The following SH3PXD2A variants were observed in gnomAD, a reference collection of about 807,000 sequenced individuals.
The protein encoded by SH3PXD2A is SH3 and PX domains 2A.
Under a neutral mutation model 115.2 loss-of-function variants are expected in SH3PXD2A, and 32 were observed. The observed-to-expected ratio is 0.28, with a 90% CI of 0.21 to 0.37. The LOEUF (loss-of-function observed/expected upper bound fraction) is 0.37. SH3PXD2A is among the 10% of genes least tolerant of loss of function. The pLI is 1.00. For synonymous variants in SH3PXD2A, 610 were observed against 629.1 expected, an observed-to-expected ratio of 0.97 and a Z score of 0.45; for missense variants, 1,328 against 1,498.7, an observed-to-expected ratio of 0.89 and a Z score of 1.88.
At chr10:103,745,631 C>T (rs1487558032) in intron 3 of SH3PXD2A, among the ~76,000 whole-genome samples, 1 of 152,160 alleles carries the variant, frequency 6.6e-6, no homozygotes. Flanking sequence ...GTGGGGTGGG[C>T]CCTGCCTGTC....
intron 1 of SH3PXD2A, among the ~76,000 whole-genome samples, chr10:103,809,985 G>A (rs1322614892): frequency 1.3e-5 from 2 of 152,054 alleles, no homozygotes; most frequent in African/African-American, 2.4e-5. Flanking sequence ...CACCTCATCC[G>A]GCCCCACTAT....
At chr10:103,642,165 A>C (rs1459449536) in intron 8 of SH3PXD2A, among the ~76,000 whole-genome samples, 1 of 148,642 alleles carries the variant, frequency 6.7e-6, no homozygotes, top group Non-Finnish European at 1.5e-5. Context: ...TTTTTTTTTA[A>C]CTTCAAGAAA....
chr10:103,659,281 C>T (rs2037257057), intron 8 of SH3PXD2A, among the ~76,000 whole-genome samples: 1 of 152,220 alleles, frequency 6.6e-6, no homozygotes, highest in African/African-American at 2.4e-5. Context: ...TGGGGGCTCA[C>T]TACCTCCTGC....
intron 8 of SH3PXD2A, among the ~76,000 whole-genome samples, chr10:103,647,979 T>C (rs2037060430): frequency 6.6e-6 from 1 of 152,086 alleles, no homozygotes; most frequent in Non-Finnish European, 1.5e-5. Flanking sequence ...TATTCTGTTA[T>C]CTTCAGGAGC....
At chr10:103,656,865 G>C (rs557438459) in intron 8 of SH3PXD2A, among the ~76,000 whole-genome samples, 2 of 151,000 alleles carry the variant, frequency 1.3e-5, no homozygotes, top group Non-Finnish European at 2.9e-5. Context: ...GTAAGTAAGA[G>C]AGACAGAGAA....
At chr10:103,764,452 G>A (rs2038733155) in intron 3 of SH3PXD2A, among the ~76,000 whole-genome samples, 1 of 151,214 alleles carries the variant, frequency 6.6e-6, no homozygotes, top group Non-Finnish European at 1.5e-5. Context: ...GAAAAAGAAG[G>A]GCACAGGGTG....
intron 1 of SH3PXD2A, among the ~76,000 whole-genome samples, chr10:103,813,832 A>C (rs947142293): frequency 1.4e-4 from 21 of 152,180 alleles, no homozygotes; most frequent in East Asian, 5.8e-4. Context: ...CTGGCTGTAC[A>C]TTACAATCAC....
At chr10:103,725,463 C>CA (rs1257608628) in intron 4 of SH3PXD2A, among the ~76,000 whole-genome samples, 2 of 152,090 alleles carry the variant, frequency 1.3e-5, no homozygotes, top group African/African-American at 2.4e-5. Flanking sequence ...AGTGCGTGGG[C>CA]CAGCTGTGAG....
chr10:103,832,370 GA>G lies in SH3PXD2A; in HGVS notation c.72+22824del, dbSNP rs58886791. On this transcript the variant is annotated intron_variant, in intron 1 of 14. Coordinates refer to ENST00000369774, the MANE Select transcript of SH3PXD2A (RefSeq NM_001394015.1). Reference sequence around the variant, plus strand: ...TACACTTAGAAGTAGAACCTAAAAAGAAAAAAAAAAAAAAGAAAAGAAAACA... The same window carrying G: ...TACACTTAGAAGTAGAACCTAAAAAGAAAAAAAAAAAAAGAAAAGAAAACA... Among the ~76,000 whole-genome samples the G allele has an allele frequency of 1.2e-3, 157 of 128,012 alleles. 1 individual carries two copies. The highest frequency in any genetic ancestry group is 8.3e-3 in the Middle Eastern group (2 of 240). 84.0% of individuals were successfully genotyped at this position (128,012 alleles called of 152,430 possible). A position where few individuals can be genotyped will look rare whatever the true frequency, so the allele number is the denominator to read the frequency against.
At chr10:103,791,092 G>A (rs1290603101) in intron 2 of SH3PXD2A, among the ~76,000 whole-genome samples, 1 of 152,212 alleles carries the variant, frequency 6.6e-6, no homozygotes, top group African/African-American at 2.4e-5. Context: ...CAGAAATTTA[G>A]AGCCAATGAA....
intron 1 of SH3PXD2A, among the ~76,000 whole-genome samples, chr10:103,832,176 A>G (rs962170573): frequency 8.5e-5 from 13 of 152,328 alleles, no homozygotes; most frequent in South Asian, 4.1e-4. Flanking sequence ...GACAGGCAGT[A>G]TGAGCAAGAA....
At chr10:103,841,035 T>C (rs1407023054) in intron 1 of SH3PXD2A, among the ~76,000 whole-genome samples, 1 of 152,156 alleles carries the variant, frequency 6.6e-6, no homozygotes, top group Non-Finnish European at 1.5e-5. Flanking sequence ...CTTAACACCA[T>C]TTACGATACA....
intron 8 of SH3PXD2A, among the ~76,000 whole-genome samples, chr10:103,644,547 C>T (rs1348786262): frequency 1.4e-5 from 2 of 143,206 alleles, no homozygotes; most frequent in Admixed American, 7.3e-5. Context: ...GATCATGCCA[C>T]TGTACTCTAG....
At chr10:103,760,188 T>A (rs574581139) in intron 3 of SH3PXD2A, among the ~76,000 whole-genome samples, 1 of 152,226 alleles carries the variant, frequency 6.6e-6, no homozygotes, top group East Asian at 1.9e-4. Flanking sequence ...ATAAAGTAAC[T>A]CACTGCATAT....
chr10:103,752,033 A>C (rs1197559145), intron 3 of SH3PXD2A, among the ~76,000 whole-genome samples: 1 of 152,170 alleles, frequency 6.6e-6, no homozygotes, highest in African/African-American at 2.4e-5. Context: ...AAACCTAGAG[A>C]GGGGAGGATA....
chr10:103,751,088 G>A (rs1032748576), intron 3 of SH3PXD2A, among the ~76,000 whole-genome samples: 8 of 152,222 alleles, frequency 5.3e-5, no homozygotes, highest in African/African-American at 9.6e-5. Flanking sequence ...AGATGAATGA[G>A]GATAATAAGG....
intron 6 of SH3PXD2A, among the ~76,000 whole-genome samples, chr10:103,680,073 C>T (rs1003459236): frequency 8.6e-5 from 13 of 151,664 alleles, no homozygotes; most frequent in Non-Finnish European, 1.6e-4. Flanking sequence ...TCTGCCTCCC[C>T]GGTTCAAGTG....
At chr10:103,789,049 G>A (rs751658127) in intron 2 of SH3PXD2A, among the ~76,000 whole-genome samples, 2 of 152,046 alleles carry the variant, frequency 1.3e-5, no homozygotes, top group Admixed American at 6.5e-5. Context: ...CCAGAGGGAC[G>A]AATAACTCTA....
chr10:103,657,199 G>A (rs2037224968), intron 8 of SH3PXD2A, among the ~76,000 whole-genome samples: 1 of 152,078 alleles, frequency 6.6e-6, no homozygotes, highest in African/African-American at 2.4e-5. Context: ...AGTAAGCAAA[G>A]ACTCAGAGAA....
Sources: gnomAD v4.1 joint callset for allele counts (sites outside exome capture counted in the v4.1 genomes callset) on GRCh38, gnomAD v4.1.1 for gene constraint, MANE v1.5 for transcripts, NCBI Gene and HGNC (gene_info 2026-07-23, HGNC 2026-07-21) for gene names.